The following MYO9A variants were observed in gnomAD, a reference collection of about 807,000 sequenced individuals.
MYO9A encodes unconventional myosin-IXa.
In MYO9A, 103 loss-of-function variants were observed where a neutral mutation model predicts 293.3. The observed-to-expected ratio is 0.35, with a 90% CI of 0.30 to 0.41. The LOEUF (loss-of-function observed/expected upper bound fraction) is 0.41. Among genes scored for constraint, MYO9A ranks in the 10% least tolerant of loss-of-function variants. The pLI, the probability that MYO9A is intolerant of heterozygous loss-of-function variation, is 1.00. For synonymous variants in MYO9A, 1,001 were observed against 1,035.7 expected (o/e 0.97, Z 0.64); for missense variants, 2,685 against 3,033.0 (o/e 0.89, Z 2.69).
intron 7 of MYO9A, among the ~76,000 whole-genome samples, chr15:72,009,106 T>G (rs1393547593): frequency 1.3e-5 from 2 of 152,170 alleles, no homozygotes; most frequent in African/African-American, 4.8e-5. Context: ...AATGTTATTC[T>G]GGATTAAAGA....
intron 18 of MYO9A, 128 bp from the exon 19 acceptor site, chr15:71,916,620 A>T: frequency 1.2e-6 from 1 of 848,004 alleles, no homozygotes; most frequent in Middle Eastern, 3.7e-4. Context: ...AGTGAATATG[A>T]AAGACTGATA....
At chr15:72,030,594 GCTCACTGCAAA>G (rs1266132050) in intron 3 of MYO9A, among the ~76,000 whole-genome samples, 1 of 151,952 alleles carries the variant, frequency 6.6e-6, no homozygotes, top group Admixed American at 6.6e-5. Context: ...GACGATCACA[GCTCACTGCAAA>G]CTCCGCCTCC....
chr15:71,940,272 A>G (rs908150149), intron 15 of MYO9A, among the ~76,000 whole-genome samples: 2 of 152,218 alleles, frequency 1.3e-5, no homozygotes, highest in African/African-American at 4.8e-5. Flanking sequence ...AGACAGGCAG[A>G]TTACTTGAGC....
chr15:72,076,278 C>G (rs1220401522), intron 1 of MYO9A, among the ~76,000 whole-genome samples: 4 of 148,616 alleles, frequency 2.7e-5, no homozygotes, highest in African/African-American at 5.0e-5. Flanking sequence ...GCACTCCAGC[C>G]TGGGCGACAG....
rs1383356795 is a variant in MYO9A at position 72,117,894 on chromosome 15, C to G, written c.-286G>C. The G allele has an allele frequency of 2.5e-6, 1 of 398,304 alleles. No homozygotes were observed. Among genetic ancestry groups the G allele is most frequent in the Non-Finnish European group, 4.4e-6 (1 of 225,932 alleles). 24.7% of individuals were successfully genotyped at this position (398,304 alleles called of 1,614,324 possible). A position where few individuals can be genotyped will look rare whatever the true frequency, so the allele number is the denominator to read the frequency against. On this transcript the variant is annotated 5_prime_UTR_variant, in exon 1 of 42. Coordinates refer to ENST00000356056, the MANE Select transcript of MYO9A (RefSeq NM_006901.4). ...TCAGAGAGACTCCGCCCGGCCTGAG[C>G]AGGCACATCCCCCGCCGCACCCCGC...
intron 14 of MYO9A, among the ~76,000 whole-genome samples, chr15:71,956,598 A>T (rs187490580): frequency 2.0e-5 from 3 of 150,152 alleles, no homozygotes; most frequent in Admixed American, 1.3e-4. Flanking sequence ...GTGAGCCAAG[A>T]TTGCACCACT....
chr15:71,931,860 C>A (rs2058484407), intron 18 of MYO9A, among the ~76,000 whole-genome samples: 1 of 152,142 alleles, frequency 6.6e-6, no homozygotes, highest in Non-Finnish European at 1.5e-5. Context: ...GTCAGTCTGG[C>A]CAGAAATTCT....
At chr15:72,065,903 A>G (rs1375381739) in intron 1 of MYO9A, among the ~76,000 whole-genome samples, 1 of 152,240 alleles carries the variant, frequency 6.6e-6, no homozygotes, top group Non-Finnish European at 1.5e-5. Context: ...CCTTACATGC[A>G]TTGAAGACTT....
chr15:71,967,953 T>C (rs1461441628), intron 13 of MYO9A, 31 bp downstream of exon 13: 6 of 1,586,326 alleles, frequency 3.8e-6, no homozygotes, highest in Non-Finnish European at 5.1e-6. Context: ...ATCTCTGCCC[T>C]GTAAGCATAT....
At chr15:71,893,172 G>A in intron 26 of MYO9A, 1 of 1,276,146 alleles carries the variant, frequency 7.8e-7, no homozygotes, top group Non-Finnish European at 1.0e-6. Flanking sequence ...GGGCCGGTCT[G>A]GCAACCTGCT....
chr15:71,827,898 A>T lies in MYO9A; in HGVS notation c.7169T>A (p.Ile2390Asn), dbSNP rs138247539. The part of the protein sequence containing the change: ...ENLNMESEYA[I>N]SEKSERSLAL... The stretch of plus-strand genomic sequence containing the variant: ...TGTTCACTTACCTGATTTCTCAGAG[A>T]TAGCATATTCAGACTCCATATTCAA... The change falls in exon 41 of 42, where the codon ATC (isoleucine) becomes AAC (asparagine). Residue 2390 changes from isoleucine to asparagine, a missense_variant. Around this residue, in one of 10 missense-constraint regions of MYO9A, gnomAD observed 350 missense variants for 328.9 expected, o/e 1.06. Transcript: ENST00000356056. 1.9e-5 allele frequency: 31 copies of T among 1,613,156 alleles called. No homozygotes were observed. Among genetic ancestry groups the T allele is most frequent in the Middle Eastern group, 1.7e-4 (1 of 6,046 alleles).
chr15:72,101,028 G>GC (rs2080283452), intron 1 of MYO9A, among the ~76,000 whole-genome samples: 1 of 135,042 alleles, frequency 7.4e-6, no homozygotes, highest in Non-Finnish European at 1.6e-5. Flanking sequence ...AGGCGGGTCA[G>GC]CCCCCCGCCC....
Position 71,960,074 on chromosome 15 carries a change from T to C in MYO9A, c.2009A>G (p.Asp670Gly). 6.2e-7 allele frequency: 1 copy of C among 1,613,956 alleles called. No individual in the cohort carries two copies. The highest frequency in any genetic ancestry group is 1.7e-5 in the Admixed American group (1 of 60,006). Residue 670 changes from aspartate to glycine, a missense_variant, in exon 14 of 42, where the codon GAT becomes GGT. Transcript: ENST00000356056. ...GVKDFREKNT[D>G]HMRPDIVALL... is the part of the protein sequence containing the mutation. ...AGCTACAATGTCTGGGCGCATATGATCTGTATTTTTTTCCCGGAAATCCTA... is the reference window on the plus strand; with the variant it reads ...AGCTACAATGTCTGGGCGCATATGACCTGTATTTTTTTCCCGGAAATCCTA...
chr15:72,040,092 T>G, intron 2 of MYO9A: 1 of 153,180 alleles, frequency 6.5e-6, no homozygotes. Flanking sequence ...TGTCAGAACA[T>G]AGCCCTGCCT....
chr15:71,970,470 G>GA (rs1408749794), intron 12 of MYO9A, among the ~76,000 whole-genome samples: 2 of 152,248 alleles, frequency 1.3e-5, no homozygotes, highest in South Asian at 2.1e-4. Flanking sequence ...TATTTTTAGA[G>GA]AAAAAATACT....
chr15:72,054,111 A>G (rs1321557044), intron 1 of MYO9A, among the ~76,000 whole-genome samples: 2 of 152,228 alleles, frequency 1.3e-5, no homozygotes, highest in Non-Finnish European at 2.9e-5. Flanking sequence ...AAGAAATACC[A>G]TGCAAACACT....
At position 71,897,499 on chromosome 15, in the gene MYO9A, G is replaced by A. The variant is rs760195482; in HGVS notation, c.5004C>T (p.Pro1668=). ...TATTGTCCTTTGGAGTGAAGAAAAT[G>A]GGCCTAGCATTTCCCTCTCTGGAAA... is the stretch of plus-strand genomic sequence containing the variant. ...DDLSREGNAR[P]IFFTPKDNMS... Residue 1668 remains proline, a synonymous_variant, in exon 25 of 42, where the codon CCC becomes CCT. Transcript: ENST00000356056. 2.5e-5 allele frequency: 40 copies of A among 1,613,626 alleles called. No individual in the cohort carries two copies. In the East Asian group the frequency reaches 8.9e-4, roughly 36 times the overall value.
intron 37 of MYO9A, among the ~76,000 whole-genome samples, chr15:71,850,625 GT>G (rs2055593507): frequency 6.8e-6 from 1 of 146,074 alleles, no homozygotes; most frequent in South Asian, 2.2e-4. Flanking sequence ...ATTAGCCAGG[GT>G]GTGGTGGCGC....
chr15:71,971,407 G>A (rs2076007615), intron 12 of MYO9A, among the ~76,000 whole-genome samples: 1 of 151,660 alleles, frequency 6.6e-6, no homozygotes, highest in Non-Finnish European at 1.5e-5. Flanking sequence ...CAACAAAGTT[G>A]ACTCCTTGTC....
Sources: allele counts gnomAD v4.1 joint callset (sites outside exome capture counted in the v4.1 genomes callset), GRCh38; gene constraint gnomAD v4.1.1; regional missense constraint gnomAD v4.1.1; transcripts MANE v1.5; gene names NCBI Gene and HGNC (gene_info 2026-07-23, HGNC 2026-07-21).